The following MERTK variants were observed in gnomAD, a reference collection of about 807,000 sequenced individuals.
MERTK encodes the protein tyrosine-protein kinase Mer.
Under a neutral mutation model 99.3 loss-of-function variants are expected in MERTK, and 69 were observed. The ratio of observed to expected loss-of-function variants is 0.70; its 90% CI spans 0.57 to 0.85. The LOEUF is 0.85. MERTK is among the 40% of genes least tolerant of loss of function. MERTK has a pLI of 0.00. For synonymous variants in MERTK, 426 were observed against 467.6 expected, an observed-to-expected ratio of 0.91 and a Z score of 1.15; for missense variants, 1,125 against 1,249.4, an observed-to-expected ratio of 0.90 and a Z score of 1.50.
At chr2:111,981,149 G>GTAA (rs1476804229) in intron 7 of MERTK, among the ~76,000 whole-genome samples, 1 of 152,074 alleles carries the variant, frequency 6.6e-6, no homozygotes, top group Non-Finnish European at 1.5e-5. Context: ...AGAAAAAGAG[G>GTAA]GTTATAGTAT....
intron 2 of MERTK, chr2:111,940,627 A>G (rs1433005594): frequency 1.5e-6 from 1 of 671,216 alleles, no homozygotes; most frequent in Non-Finnish European, 2.9e-6. Context: ...CAGGTTAGCC[A>G]AAGCCATTAC....
At chr2:112,009,509 A>G (rs1047126093) in intron 14 of MERTK, among the ~76,000 whole-genome samples, 2 of 152,246 alleles carry the variant, frequency 1.3e-5, no homozygotes, top group Non-Finnish European at 2.9e-5. Flanking sequence ...TTAAATATCT[A>G]TCACATGAAA....
intron 4 of MERTK, among the ~76,000 whole-genome samples, chr2:111,964,697 C>T (rs915724041): frequency 2.0e-5 from 3 of 152,182 alleles, no homozygotes; most frequent in African/African-American, 7.2e-5. Flanking sequence ...TTATATGATG[C>T]ATCCTTGTGA....
intron 4 of MERTK, among the ~76,000 whole-genome samples, chr2:111,959,570 C>G (rs1685207197): frequency 6.6e-6 from 1 of 152,088 alleles, no homozygotes; most frequent in Non-Finnish European, 1.5e-5. Flanking sequence ...ACCTCCTAGG[C>G]TCAGGTGATT....
chr2:111,917,703 G>A (rs964762714), intron 1 of MERTK, among the ~76,000 whole-genome samples: 2 of 152,024 alleles, frequency 1.3e-5, no homozygotes, highest in African/African-American at 4.8e-5. Flanking sequence ...TGGCCAACAT[G>A]GTGAAACCCC....
intron 1 of MERTK, among the ~76,000 whole-genome samples, chr2:111,928,413 T>C (rs1684608369): frequency 6.6e-6 from 1 of 151,650 alleles, no homozygotes; most frequent in Admixed American, 6.6e-5. Context: ...GGTTTTTTTT[T>C]TTCGAACCTC....
intron 1 of MERTK, among the ~76,000 whole-genome samples, chr2:111,918,227 G>C (rs934656847): frequency 2.0e-5 from 3 of 152,166 alleles, no homozygotes; most frequent in Non-Finnish European, 4.4e-5. Context: ...TTTTGGAGGG[G>C]ATTCTTTGTT....
chr2:111,984,079 G>A (rs1460609582), intron 8 of MERTK, among the ~76,000 whole-genome samples: 1 of 152,196 alleles, frequency 6.6e-6, no homozygotes, highest in African/African-American at 2.4e-5. Flanking sequence ...AGCCAGTGGT[G>A]TAATTTAGTC....
chr2:111,972,463 G>T (rs908975438), intron 6 of MERTK, among the ~76,000 whole-genome samples: 1 of 152,102 alleles, frequency 6.6e-6, no homozygotes, highest in Non-Finnish European at 1.5e-5. Context: ...GAAAACACCA[G>T]GTCACCCCTG....
chr2:112,000,970 G>A (rs568562429), intron 10 of MERTK, among the ~76,000 whole-genome samples: 1 of 152,252 alleles, frequency 6.6e-6, no homozygotes, highest in Non-Finnish European at 1.5e-5. Flanking sequence ...TGGCCACTGG[G>A]AGCTTATCTG....
chr2:112,028,443 G>T lies in MERTK; in HGVS notation c.2579G>T (p.Ser860Ile). 1 of 1,614,124 alleles carries T rather than the reference G, an allele frequency of 6.2e-7. No individual in the cohort carries two copies. The highest frequency in any genetic ancestry group is 1.1e-5 in the South Asian group (1 of 91,088). ...CTGCAGCTAGAAAAACTCTTAGAAA[G>T]TTTGCCTGACGTTCGGAACCAAGCA... ...LRLQLEKLLE[S>I]LPDVRNQADV... The change falls in exon 19 of 19, where the codon AGT becomes ATT. Residue 860 changes from serine to isoleucine, a missense_variant. Ser to Ile is a moderately radical substitution (Grantham distance 142). Transcript: ENST00000295408.
rs552102054 is a variant in MERTK at position 111,947,592 on chromosome 2, G to A, written c.757+25G>A. The A allele has an allele frequency of 5.9e-4, 944 of 1,613,156 alleles. 18 individuals are homozygous for A. In the South Asian group the frequency reaches 6.6e-3, roughly 11 times the overall value. On this transcript the variant is annotated intron_variant, in intron 4 of 18. Coordinates refer to ENST00000295408, the MANE Select transcript of MERTK (RefSeq NM_006343.3). ...GGTAAGTCCGAGCTGTGGGCTTATT[G>A]ATTTATTCTCTAATAGCGGACAGGA...
At chr2:112,022,482 G>A in intron 18 of MERTK, 88 bp downstream of exon 18, 1 of 1,591,276 alleles carries the variant, frequency 6.3e-7, no homozygotes, top group Non-Finnish European at 8.6e-7. Flanking sequence ...GCCATGGGAG[G>A]GGAAAGGGAC....
In MERTK at chr2:112,029,402, G is replaced by GCTT; in HGVS notation, c.*538_*539insCTT. On this transcript the variant is annotated 3_prime_UTR_variant, in exon 19 of 19. Coordinates refer to ENST00000295408, the MANE Select transcript of MERTK (RefSeq NM_006343.3). ...GAACTTACTTGAGACTTGAAAGACA[G>GCTT]TGGTCGGCAGCGGCCTTGTGGCCTT... is the stretch of plus-strand genomic sequence containing the variant. The GCTT allele has an allele frequency of 1.1e-6, 1 of 904,746 alleles. No individual in the cohort carries two copies. Among genetic ancestry groups the GCTT allele is most frequent in the South Asian group, 5.1e-5 (1 of 19,592 alleles). The allele number at this position is 904,746 out of a possible 1,614,324, so 56.0% of individuals were successfully genotyped here. A position where few individuals can be genotyped will look rare whatever the true frequency, so the allele number is the denominator to read the frequency against.
intron 18 of MERTK, among the ~76,000 whole-genome samples, chr2:112,024,189 T>C (rs1248277655): frequency 6.6e-6 from 1 of 152,206 alleles, no homozygotes; most frequent in Non-Finnish European, 1.5e-5. Flanking sequence ...CTTCTGAAAA[T>C]AAGGAAGCAT....
chr2:111,941,772 G>A (rs1047135363), intron 2 of MERTK, among the ~76,000 whole-genome samples: 1 of 152,200 alleles, frequency 6.6e-6, no homozygotes, highest in Non-Finnish European at 1.5e-5. Flanking sequence ...ATTAATGCAG[G>A]TGCCTATTTT....
chr2:111,985,754 G>A (rs1051386184), intron 8 of MERTK, among the ~76,000 whole-genome samples: 1 of 152,018 alleles, frequency 6.6e-6, no homozygotes, highest in African/African-American at 2.4e-5. Context: ...AGAACAGCAC[G>A]GGAAAACCCC....
intron 4 of MERTK, among the ~76,000 whole-genome samples, chr2:111,948,757 G>T (rs1685004770): frequency 6.6e-6 from 1 of 152,142 alleles, no homozygotes; most frequent in South Asian, 2.1e-4. Flanking sequence ...CGCCTCTGCA[G>T]TAGCTTCCTA....
At chr2:111,932,804 T>C (rs1684697886) in intron 2 of MERTK, among the ~76,000 whole-genome samples, 1 of 152,116 alleles carries the variant, frequency 6.6e-6, no homozygotes, top group South Asian at 2.1e-4. Context: ...TGTTTGTATG[T>C]TGGGGAGAAG....
Sources: gnomAD v4.1 joint callset for allele counts (sites outside exome capture counted in the v4.1 genomes callset) on GRCh38, gnomAD v4.1.1 for gene constraint, MANE v1.5 for transcripts, NCBI Gene and HGNC (gene_info 2026-07-23, HGNC 2026-07-21) for gene names.